FHIT: variants seen among roughly 807,000 people sequenced by gnomAD.
FHIT encodes bis(5'-adenosyl)-triphosphatase.
In FHIT, 19 loss-of-function variants were observed where a neutral mutation model predicts 17.9. The observed-to-expected ratio is 1.06, with a 90% CI of 0.74 to 1.56. FHIT has a LOEUF of 1.56. FHIT is among the 40% of genes most tolerant of loss of function. The pLI is 0.00. For synonymous variants in FHIT, 81 were observed against 69.7 expected (o/e 1.16, Z -0.81); for missense variants, 248 against 189.2 (o/e 1.31, Z -1.82).
chr3:60,589,254 C>T (rs781784773), intron 4 of FHIT, among the ~76,000 whole-genome samples: 1 of 152,068 alleles, frequency 6.6e-6, no homozygotes, highest in African/African-American at 2.4e-5. Context: ...ATGCAAAGCA[C>T]GTGGAGTGAA....
intron 7 of FHIT, among the ~76,000 whole-genome samples, chr3:60,001,967 G>A (rs928522707): frequency 6.6e-6 from 1 of 152,114 alleles, no homozygotes. Context: ...TATTTTGTGG[G>A]GGAACACGAA....
chr3:61,225,639 G>A (rs1186078269), intron 1 of FHIT, among the ~76,000 whole-genome samples: 1 of 152,182 alleles, frequency 6.6e-6, no homozygotes, highest in Non-Finnish European at 1.5e-5. Flanking sequence ...TAAATGGAGG[G>A]TTATTGTTGA....
chr3:60,032,979 G>A (rs1701063711), intron 5 of FHIT, among the ~76,000 whole-genome samples: 1 of 151,876 alleles, frequency 6.6e-6, no homozygotes. Flanking sequence ...GAAGCAAACA[G>A]ACAAATCCGT....
intron 5 of FHIT, among the ~76,000 whole-genome samples, chr3:60,014,976 A>G (rs181455470): frequency 1.9e-3 from 291 of 151,662 alleles, no homozygotes; most frequent in Middle Eastern, 0.017. Context: ...TTACACCATC[A>G]ATAACATTTC....
intron 2 of FHIT, among the ~76,000 whole-genome samples, chr3:61,197,681 A>C (rs2038892876): frequency 6.6e-6 from 1 of 152,222 alleles, no homozygotes; most frequent in Admixed American, 6.5e-5. Flanking sequence ...CAGTGTTCAA[A>C]TGAGAAATAA....
intron 5 of FHIT, among the ~76,000 whole-genome samples, chr3:60,281,580 A>C (rs1369437072): frequency 3.3e-5 from 5 of 151,672 alleles, no homozygotes; most frequent in African/African-American, 1.2e-4. Context: ...AATTCAATAG[A>C]CAACAAATAG....
chr3:60,727,676 G>A (rs782452241), intron 4 of FHIT, among the ~76,000 whole-genome samples: 3 of 152,132 alleles, frequency 2.0e-5, no homozygotes, highest in Non-Finnish European at 2.9e-5. Flanking sequence ...ATTAAAACTT[G>A]GATAAAATCA....
At chr3:60,619,101 C>T (rs2039039026) in intron 4 of FHIT, among the ~76,000 whole-genome samples, 1 of 152,082 alleles carries the variant, frequency 6.6e-6, no homozygotes, top group African/African-American at 2.4e-5. Context: ...ATTAACATAG[C>T]AACTAAGTAG....
intron 8 of FHIT, among the ~76,000 whole-genome samples, chr3:59,828,706 T>G (rs1701058684): frequency 6.6e-6 from 1 of 152,338 alleles, no homozygotes; most frequent in Non-Finnish European, 1.5e-5. Flanking sequence ...TGTCATATCT[T>G]TGGTTAAGGC....
At chr3:60,112,416 C>G (rs1003547525) in intron 5 of FHIT, among the ~76,000 whole-genome samples, 1 of 152,144 alleles carries the variant, frequency 6.6e-6, no homozygotes, top group Non-Finnish European at 1.5e-5. Context: ...TTTCAGAAGC[C>G]TGATCATAGC....
At chr3:60,942,126 G>A (rs994573527) in intron 3 of FHIT, among the ~76,000 whole-genome samples, 1 of 152,108 alleles carries the variant, frequency 6.6e-6, no homozygotes, top group Admixed American at 6.5e-5. Context: ...TGGATTATAG[G>A]TGCCCACAGC....
intron 1 of FHIT, among the ~76,000 whole-genome samples, chr3:61,211,052 G>A (rs2039451007): frequency 6.6e-6 from 1 of 152,070 alleles, no homozygotes; most frequent in East Asian, 2.0e-4. Context: ...AACAGCTCCG[G>A]TCTACAGCTC....
intron 7 of FHIT, among the ~76,000 whole-genome samples, chr3:59,948,341 A>G (rs1175273699): frequency 1.6e-5 from 1 of 63,904 alleles, no homozygotes; most frequent in African/African-American, 5.0e-5. Context: ...CGTCTCCACT[A>G]AAAATACAAA....
chr3:60,703,281 C>T (rs1195899404), intron 4 of FHIT, among the ~76,000 whole-genome samples: 10 of 152,180 alleles, frequency 6.6e-5, no homozygotes, highest in Non-Finnish European at 1.3e-4. Context: ...CCTTCAAAGG[C>T]AGGATGTCCC....
Position 60,672,816 on chromosome 3 carries a change from T to C in FHIT, c.-17-135837A>G, listed in dbSNP as rs536978904. Among the ~76,000 whole-genome samples the C allele has an allele frequency of 2.0e-4, 30 of 151,900 alleles. No individual in the cohort carries two copies. In the South Asian group the frequency reaches 4.8e-3, roughly 24 times the overall value. On this transcript the variant is annotated intron_variant, in intron 4 of 9. Transcript: ENST00000492590. ...TGCCTTCTTTCTGTTAAAATGCATA[T>C]TTCTAAAGTTTCCATCTTTATACCA...
intron 5 of FHIT, among the ~76,000 whole-genome samples, chr3:60,534,150 G>C (rs562694772): frequency 6.6e-6 from 1 of 150,814 alleles, no homozygotes; most frequent in African/African-American, 2.4e-5. Context: ...CTCCCAGGCC[G>C]GGCGCGGTGG....
intron 5 of FHIT, among the ~76,000 whole-genome samples, chr3:60,117,038 C>T (rs756364193): frequency 3.9e-5 from 6 of 152,004 alleles, no homozygotes; most frequent in African/African-American, 1.5e-4. Flanking sequence ...CTGTCCCAAT[C>T]CTTAAATTAG....
chr3:60,042,689 C>G (rs951342353), intron 5 of FHIT, among the ~76,000 whole-genome samples: 2 of 152,126 alleles, frequency 1.3e-5, no homozygotes, highest in Non-Finnish European at 2.9e-5. Flanking sequence ...TCCAGATACA[C>G]TCACATTCAG....
In FHIT at chr3:60,242,342, C is replaced by T. The variant is rs544371522; in HGVS notation, c.104-228190G>A. Reference sequence around the variant, plus strand: ...GGCTTCAAACTCTATATATTTCACCCCAAACCGTTTCTCAGTACATACTTA... The same window carrying T: ...GGCTTCAAACTCTATATATTTCACCTCAAACCGTTTCTCAGTACATACTTA... On this transcript the variant is annotated intron_variant, in intron 5 of 9. Transcript: ENST00000492590. Among the ~76,000 whole-genome samples the T allele has an allele frequency of 1.3e-5, 2 of 151,994 alleles. 1 individual carries two copies.
Sources: allele counts gnomAD v4.1 joint callset (sites outside exome capture counted in the v4.1 genomes callset), GRCh38; gene constraint gnomAD v4.1.1; transcripts MANE v1.5; gene names NCBI Gene and HGNC (gene_info 2026-07-23, HGNC 2026-07-21).